PCNX4: variants seen among roughly 807,000 people sequenced by gnomAD.
PCNX4 encodes the protein pecanex 4, also known as pecanex-like protein 4.
Under a neutral mutation model 107.2 loss-of-function variants are expected in PCNX4, and 103 were observed. That is an observed-to-expected ratio of 0.96 (90% CI 0.82 to 1.13). The LOEUF is 1.13. Ranked by LOEUF, PCNX4 falls within the 50% of genes most tolerant of loss-of-function variation. The pLI is 0.00. For missense variants in PCNX4, 1,528 were observed against 1,379.4 expected (o/e 1.11, Z -1.71); for synonymous variants, 541 against 481.7 (o/e 1.12, Z -1.61).
At chr14:60,102,888 A>T (rs1895559316) in intron 1 of PCNX4, among the ~76,000 whole-genome samples, 1 of 152,230 alleles carries the variant, frequency 6.6e-6, no homozygotes, top group South Asian at 2.1e-4. Flanking sequence ...TGTATAAATG[A>T]AACTGTTGCC....
intron 6 of PCNX4, 97 bp from the exon 7 acceptor site, chr14:60,118,232 C>A: frequency 7.7e-7 from 1 of 1,304,136 alleles, no homozygotes; most frequent in Non-Finnish European, 9.8e-7. Context: ...AATACTGGGG[C>A]AATAATAAAA....
intron 8 of PCNX4, 125 bp downstream of exon 8, chr14:60,121,424 T>A: frequency 1.0e-6 from 1 of 996,500 alleles, no homozygotes; most frequent in Non-Finnish European, 1.4e-6. Context: ...TGAAAACACC[T>A]AGGGATTTTT....
chr14:60,133,596 T>G (rs1896192973), intron 10 of PCNX4: 1 of 451,804 alleles, frequency 2.2e-6, no homozygotes, highest in Non-Finnish European at 4.3e-6. Flanking sequence ...GAATGTGAAT[T>G]ATATCTCAAC....
chr14:60,115,790 T>A lies in PCNX4; in HGVS notation c.1429T>A (p.Cys477Ser), dbSNP rs1895835810. Residue 477 changes from cysteine (C) to serine (S), a missense_variant, in exon 5 of 11, where the codon TGT (cysteine) becomes AGT (serine). Cys to Ser is a moderately radical substitution (Grantham distance 112, BLOSUM62 -1). Coordinates refer to ENST00000406854, the MANE Select transcript of PCNX4 (RefSeq NM_001330177.2). Reference protein sequence around the residue: ...SLQGLHSVSVCIGFTRAFRMV... With the variant: ...SLQGLHSVSVSIGFTRAFRMV... ...ACAAGGGCTCCACTCAGTGTCTGTC[T>A]GTATTGGATTCACAAGAGCCTTTAG... is the stretch of plus-strand genomic sequence containing the variant. The A allele has an allele frequency of 6.2e-7, 1 of 1,612,678 alleles. No homozygotes were observed. The highest frequency in any genetic ancestry group is 1.1e-5 in the South Asian group (1 of 91,032).
chr14:60,096,595 G>A (rs900479297), intron 1 of PCNX4, among the ~76,000 whole-genome samples: 9 of 152,206 alleles, frequency 5.9e-5, no homozygotes, highest in Admixed American at 3.3e-4. Flanking sequence ...ATAAGTTAGT[G>A]CCACATAGCC....
chr14:60,118,822 G>T, intron 7 of PCNX4, 130 bp downstream of exon 7: 2 of 975,020 alleles, frequency 2.1e-6, no homozygotes, highest in Non-Finnish European at 2.7e-6. Flanking sequence ...TGATGTGTAG[G>T]CAGAAAGACT....
At chr14:60,128,805 G>A (rs1024212139) in intron 10 of PCNX4, among the ~76,000 whole-genome samples, 2 of 152,170 alleles carry the variant, frequency 1.3e-5, no homozygotes, top group African/African-American at 4.8e-5. Flanking sequence ...GCTAATAATT[G>A]CACAAAGGAA....
At chr14:60,123,076 C>T (rs565366252) in intron 8 of PCNX4, among the ~76,000 whole-genome samples, 1 of 152,126 alleles carries the variant, frequency 6.6e-6, no homozygotes, top group Non-Finnish European at 1.5e-5. Context: ...GATTGAGAAC[C>T]TCTGCTCTAG....
intron 2 of PCNX4, among the ~76,000 whole-genome samples, chr14:60,113,262 A>T (rs1466257205): frequency 1.3e-5 from 2 of 152,256 alleles, no homozygotes; most frequent in Non-Finnish European, 2.9e-5. Flanking sequence ...GTGAGCAAAC[A>T]TAAAATGGCG....
chr14:60,139,430 A>G lies in PCNX4; in HGVS notation c.*5209A>G, dbSNP rs1896281751. The G allele has an allele frequency of 6.6e-6, 1 of 152,150 alleles. No homozygotes were observed. The highest frequency in any genetic ancestry group is 6.5e-5 in the Admixed American group (1 of 15,280). The allele number at this position is 152,150 out of a possible 1,614,324, so 9.4% of individuals were successfully genotyped here. The stretch of plus-strand genomic sequence containing the variant: ...TTCACCAGAAAGTTTCAACAGGTCT[A>G]ATATTTTAATGATTTAACAATATAG... On this transcript the variant is annotated 3_prime_UTR_variant, in exon 11 of 11. Transcript: ENST00000406854.
rs548961490 is a variant in PCNX4, at chr14:60,126,141, C to G, written c.3267+318C>G. On this transcript the variant is annotated intron_variant, in intron 10 of 10. Coordinates refer to ENST00000406854, the MANE Select transcript of PCNX4 (RefSeq NM_001330177.2). ...ATTAAATGGATTGTATTCCTGTGTT[C>G]AAGTGTATGAATCATCACTTGGATT... 6.1e-5 allele frequency: 10 copies of G among 164,626 alleles called. No individual in the cohort carries two copies. In the South Asian group the frequency reaches 7.9e-4, roughly 13 times the overall value. 10.2% of individuals were successfully genotyped at this position (164,626 alleles called of 1,614,324 possible). A position where few individuals can be genotyped will look rare whatever the true frequency, so the allele number is the denominator to read the frequency against.
At position 60,124,889 on chromosome 14, in the gene PCNX4, T is replaced by C. The variant is rs1056930801; in HGVS notation, c.2718T>C (p.His906=). The change falls in exon 9 of 11, where the codon CAT becomes CAC. Residue 906 remains histidine, a synonymous_variant. Coordinates refer to ENST00000406854, the MANE Select transcript of PCNX4 (RefSeq NM_001330177.2). ...CTCTCATGGAGTTCAGTTGTTCACA[T>C]TCTCACTTAGTATGCTTACCCGCAG... ...YIPLMEFSCS[H]SHLVCLPAEW... is the part of the protein sequence containing the mutation. 2.5e-6 allele frequency: 4 copies of C among 1,613,754 alleles called. No homozygotes were observed. The highest frequency in any genetic ancestry group is 3.4e-6 in the Non-Finnish European group (4 of 1,179,792).
rs1160926142 is a variant in PCNX4, at chr14:60,125,170, G to T, written c.2999G>T (p.Gly1000Val). 1 of 1,611,850 alleles carries T rather than the reference G, an allele frequency of 6.2e-7. No individual in the cohort carries two copies. The highest frequency in any genetic ancestry group is 8.5e-7 in the Non-Finnish European group (1 of 1,178,936). The part of the protein sequence containing the change: ...PSPGHILRVY[G>V]GVLPWSVALD... Reference sequence around the variant, plus strand: ...CCTGGTCATATATTGAGAGTTTACGGTGGTGTTTTGCCTTGGTCTGTTGCT... The same window carrying T: ...CCTGGTCATATATTGAGAGTTTACGTTGGTGTTTTGCCTTGGTCTGTTGCT... The change falls in exon 9 of 11, where the codon GGT (glycine) becomes GTT (valine). Residue 1000 changes from glycine to valine, a missense_variant. Transcript: ENST00000406854.
chr14:60,124,526 T>C lies in PCNX4; in HGVS notation c.2355T>C (p.Thr785=). Residue 785 remains threonine (T), a synonymous_variant, in exon 9 of 11, where the codon ACT becomes ACC. Coordinates refer to ENST00000406854, the MANE Select transcript of PCNX4 (RefSeq NM_001330177.2). The part of the protein sequence containing the change: ...RPGMKENVHN[T]ENKGKAPLML... ...GCATGAAAGAGAATGTTCACAACAC[T>C]GAAAATAAAGGGAAAGCACCTCTAA... The C allele has an allele frequency of 6.2e-7, 1 of 1,613,770 alleles. No individual in the cohort carries two copies. Among genetic ancestry groups the C allele is most frequent in the Non-Finnish European group, 8.5e-7 (1 of 1,179,778 alleles).
In PCNX4 at chr14:60,125,088, C is replaced by T. The variant is rs575630371; in HGVS notation, c.2917C>T (p.His973Tyr). 1.7e-4 allele frequency: 275 copies of T among 1,613,344 alleles called. 2 individuals carry two copies. In the South Asian group the frequency reaches 2.7e-3, roughly 16 times the overall value. Residue 973 changes from histidine to tyrosine, a missense_variant, in exon 9 of 11, where the codon CAT becomes TAT. His to Tyr is a moderately conservative substitution (Grantham distance 83). Coordinates refer to ENST00000406854, the MANE Select transcript of PCNX4 (RefSeq NM_001330177.2). ...CAAAGTTTTAAAAGACTTTTATGTT[C>T]ATACAGTAATGACTTGTTATTTTAG... The part of the protein sequence containing the change: ...KDKVLKDFYV[H>Y]TVMTCYFSLF...
chr14:60,100,823 T>C (rs749608275), intron 1 of PCNX4, among the ~76,000 whole-genome samples: 10 of 152,356 alleles, frequency 6.6e-5, no homozygotes, highest in Admixed American at 2.0e-4. Context: ...TACCCAAAAA[T>C]ATATTTCCTT....
intron 1 of PCNX4, among the ~76,000 whole-genome samples, chr14:60,097,111 A>G (rs755014281): frequency 1.3e-5 from 2 of 152,200 alleles, no homozygotes; most frequent in Non-Finnish European, 1.5e-5. Context: ...TTAAAGTCCT[A>G]TGAACTGAAA....
rs1318554190 is a variant in PCNX4 at position 60,115,300 on chromosome 14, T to C, written c.1196T>C (p.Leu399Pro). ...AIVGYGLMIL[L>P]IILWILREIQ... The stretch of plus-strand genomic sequence containing the variant: ...GTGGGCTATGGTTTGATGATATTAC[T>C]TATAATACTGTGGATACTTAGAGAA... Residue 399 changes from leucine (L) to proline (P), a missense_variant, in exon 4 of 11, where the codon CTT (leucine) becomes CCT (proline). Leu to Pro is a moderately conservative substitution (Grantham distance 98). Coordinates refer to ENST00000406854, the MANE Select transcript of PCNX4 (RefSeq NM_001330177.2). 1 of 1,608,930 alleles carries C rather than the reference T, an allele frequency of 6.2e-7. No individual in the cohort carries two copies. The highest frequency in any genetic ancestry group is 8.5e-7 in the Non-Finnish European group (1 of 1,176,232).
rs760854059 is a variant in PCNX4 at position 60,144,917 on chromosome 14, A to C, written c.*10696A>C. ...GAAGCATAAGAAGATTGCTGTTTTCATGTTTTCCATTTCTCCCTCCAGTGG... is the reference window on the plus strand; with the variant it reads ...GAAGCATAAGAAGATTGCTGTTTTCCTGTTTTCCATTTCTCCCTCCAGTGG... On this transcript the variant is annotated 3_prime_UTR_variant, in exon 11 of 11. Transcript: ENST00000406854. 1 of 1,470,696 alleles carries C rather than the reference A, an allele frequency of 6.8e-7. No individual in the cohort carries two copies. The highest frequency in any genetic ancestry group is 1.2e-5 in the South Asian group (1 of 86,712). 91.1% of individuals were successfully genotyped at this position (1,470,696 alleles called of 1,614,324 possible). A position where few individuals can be genotyped will look rare whatever the true frequency, so the allele number is the denominator to read the frequency against.
Sources: allele counts gnomAD v4.1 joint callset (sites outside exome capture counted in the v4.1 genomes callset), GRCh38; gene constraint gnomAD v4.1.1; transcripts MANE v1.5; gene names NCBI Gene and HGNC (gene_info 2026-07-23, HGNC 2026-07-21).